The following HDHD2 variants were observed in gnomAD, a reference collection of about 807,000 sequenced individuals.
HDHD2 encodes haloacid dehalogenase like hydrolase domain containing 2, also known as haloacid dehalogenase-like hydrolase domain-containing protein 2.
Under a neutral mutation model 24.8 loss-of-function variants are expected in HDHD2, and 26 were observed. That is an observed-to-expected ratio of 1.05 (90% CI 0.77 to 1.45). The LOEUF is 1.45. Ranked by LOEUF, HDHD2 falls within the 40% of genes most tolerant of loss-of-function variation. The pLI, the probability that HDHD2 is intolerant of heterozygous loss-of-function variation, is 0.00. For synonymous variants in HDHD2, 128 were observed against 114.9 expected, an observed-to-expected ratio of 1.11 and a Z score of -0.73; for missense variants, 299 against 313.4, an observed-to-expected ratio of 0.95 and a Z score of 0.35.
Position 47,108,568 on chromosome 18 carries a change from TA to T in HDHD2, c.*113del. On this transcript the variant is annotated 3_prime_UTR_variant, in exon 7 of 7. Coordinates refer to ENST00000300605, the MANE Select transcript of HDHD2 (RefSeq NM_032124.5). ...TAATTAATGCACAACAAAAGAGGGTTAAAAAGCGATCAGCACTGACTGGTGT... is the reference window on the plus strand; with the variant it reads ...TAATTAATGCACAACAAAAGAGGGTTAAAAGCGATCAGCACTGACTGGTGT... 1.8e-6 allele frequency: 1 copy of T among 558,224 alleles called. No homozygotes were observed. Among genetic ancestry groups the T allele is most frequent in the Non-Finnish European group, 3.1e-6 (1 of 317,674 alleles). The allele number at this position is 558,224 out of a possible 1,614,324, so 34.6% of individuals were successfully genotyped here. A position where few individuals can be genotyped will look rare whatever the true frequency, so the allele number is the denominator to read the frequency against.
At chr18:47,132,724 A>G (rs890391383) in intron 3 of HDHD2, among the ~76,000 whole-genome samples, 1 of 152,158 alleles carries the variant, frequency 6.6e-6, no homozygotes, top group Non-Finnish European at 1.5e-5. Context: ...GTGCCATTGC[A>G]CTCTAAGTAT....
At chr18:47,132,223 A>G (rs2063719927) in intron 3 of HDHD2, among the ~76,000 whole-genome samples, 1 of 151,988 alleles carries the variant, frequency 6.6e-6, no homozygotes, top group African/African-American at 2.4e-5. Flanking sequence ...TACTTTTTTC[A>G]TTTAATATAT....
chr18:47,115,078 G>T (rs948751710), intron 5 of HDHD2, 54 bp downstream of exon 5: 1 of 1,317,346 alleles, frequency 7.6e-7, no homozygotes, highest in Non-Finnish European at 1.1e-6. Flanking sequence ...TTCTAAGCTG[G>T]CTTTCCCAGC....
Position 47,119,868 on chromosome 18 carries a change from GGTGTT to G in HDHD2, c.396-4525_396-4521del, listed in dbSNP as rs544062074. ...TCCCTGATCCATGGGTGGCAGAATG[GGTGTT>G]GTGTTAACAGGCATGAGAACAACAT... On this transcript the variant is annotated intron_variant, in intron 4 of 6. Transcript: ENST00000300605. Among the ~76,000 whole-genome samples, 106 of 152,278 alleles carry G rather than the reference GGTGTT, an allele frequency of 7.0e-4. 1 individual carries two copies. The highest frequency in any genetic ancestry group is 2.5e-3 in the African/African-American group (102 of 41,538).
intron 4 of HDHD2, 149 bp downstream of exon 4, chr18:47,130,095 T>C (rs1424461502): frequency 1.9e-6 from 1 of 522,600 alleles, no homozygotes; most frequent in Non-Finnish European, 3.4e-6. Context: ...GTAATACATA[T>C]TATTTGATGC....
chr18:47,136,177 G>T, intron 2 of HDHD2, 162 bp downstream of exon 2: 1 of 783,656 alleles, frequency 1.3e-6, no homozygotes, highest in Non-Finnish European at 1.9e-6. Flanking sequence ...ATGTTTGGAA[G>T]AAATTGTAAT....
chr18:47,121,555 T>C (rs2063607297), intron 4 of HDHD2, among the ~76,000 whole-genome samples: 1 of 152,194 alleles, frequency 6.6e-6, no homozygotes, highest in South Asian at 2.1e-4. Flanking sequence ...GACCTATTAC[T>C]CCAATCCATT....
rs189794612 is a variant in HDHD2 at position 47,119,548 on chromosome 18, T to A, written c.396-4200A>T. ...TAACATCTTCAGGCACTACTTCTAA[T>A]TCTAGTTGTTTTGCTATTTCCACCA... On this transcript the variant is annotated intron_variant, in intron 4 of 6. Coordinates refer to ENST00000300605, the MANE Select transcript of HDHD2 (RefSeq NM_032124.5). 2.1e-3 allele frequency among the ~76,000 whole-genome samples: 322 copies of A among 152,332 alleles called. 1 individual carries two copies. Among genetic ancestry groups the A allele is most frequent in the African/African-American group, 7.5e-3 (313 of 41,590 alleles).
intron 4 of HDHD2, among the ~76,000 whole-genome samples, chr18:47,123,198 C>G (rs1411942020): frequency 6.6e-6 from 1 of 152,140 alleles, no homozygotes; most frequent in East Asian, 1.9e-4. Flanking sequence ...TTAGAATTAG[C>G]AAGTAAATGG....
At chr18:47,146,091 T>C (rs2063866822) in intron 1 of HDHD2, among the ~76,000 whole-genome samples, 1 of 152,036 alleles carries the variant, frequency 6.6e-6, no homozygotes, top group Non-Finnish European at 1.5e-5. Flanking sequence ...TAGCTGGGCA[T>C]GGTGGCAGGC....
At chr18:47,131,435 T>G (rs1487459625) in intron 3 of HDHD2, among the ~76,000 whole-genome samples, 1 of 152,176 alleles carries the variant, frequency 6.6e-6, no homozygotes, top group Non-Finnish European at 1.5e-5. Flanking sequence ...GCTAACACAA[T>G]AAGCTATTCC....
At chr18:47,143,431 A>AAC (rs1240308926) in intron 1 of HDHD2, among the ~76,000 whole-genome samples, 2 of 152,196 alleles carry the variant, frequency 1.3e-5, no homozygotes, top group African/African-American at 2.4e-5. Context: ...ATATCCCTAA[A>AAC]ACACACACAT....
chr18:47,114,878 C>CAT (rs929273076), intron 5 of HDHD2, among the ~76,000 whole-genome samples: 5 of 151,140 alleles, frequency 3.3e-5, no homozygotes, highest in African/African-American at 7.3e-5. Flanking sequence ...GAGTTAACTA[C>CAT]ATATATATAT....
At position 47,108,717 on chromosome 18, in the gene HDHD2, G is replaced by A; in HGVS notation, c.745C>T (p.His249Tyr). The A allele has an allele frequency of 6.2e-7, 1 of 1,609,196 alleles. No individual in the cohort carries two copies. Residue 249 changes from histidine to tyrosine, a missense_variant, in exon 7 of 7, where the codon CAT (histidine) becomes TAT (tyrosine). Coordinates refer to ENST00000300605, the MANE Select transcript of HDHD2 (RefSeq NM_032124.5). ...TGCTGCAGAATGTGGTCCACAGCAT[G>A]AGGGAAACTCTCACAAGTTAAGTAA... ...PPYLTCESFP[H>Y]AVDHILQHLL is the part of the protein sequence containing the mutation.
rs957698024 is a variant in HDHD2 at position 47,107,995 on chromosome 18, A to C, written c.*687T>G. On this transcript the variant is annotated 3_prime_UTR_variant, in exon 7 of 7. Coordinates refer to ENST00000300605, the MANE Select transcript of HDHD2 (RefSeq NM_032124.5). Reference sequence around the variant, plus strand: ...TCCAAAACAACTGTTACACAGTATAATAGGTATCTGCAATGAATAGGTTAT... The same window carrying C: ...TCCAAAACAACTGTTACACAGTATACTAGGTATCTGCAATGAATAGGTTAT... 1 of 152,710 alleles carries C rather than the reference A, an allele frequency of 6.5e-6. No homozygotes were observed. The highest frequency in any genetic ancestry group is 1.5e-5 in the Non-Finnish European group (1 of 68,056). 9.5% of individuals were successfully genotyped at this position (152,710 alleles called of 1,614,324 possible).
At chr18:47,111,229 G>A in intron 6 of HDHD2, 1 of 985,304 alleles carries the variant, frequency 1.0e-6, no homozygotes, top group African/African-American at 1.7e-5. Flanking sequence ...ACTGATGCCT[G>A]TGAAAGGCTG....
chr18:47,130,362 T>C lies in HDHD2; in HGVS notation c.311-34A>G, dbSNP rs747180359. Reference sequence around the variant, plus strand: ...GGAAAAAAAAAATGATTGTTGCAAATGCAATTAAAAGCAATGTCACATTTT... The same window carrying C: ...GGAAAAAAAAAATGATTGTTGCAAACGCAATTAAAAGCAATGTCACATTTT... On this transcript the variant is annotated intron_variant, in intron 3 of 6. Transcript: ENST00000300605. 4 of 1,417,572 alleles carry C rather than the reference T, an allele frequency of 2.8e-6. No individual in the cohort carries two copies. The Admixed American group carries it at 7.9e-5, about 28-fold the overall frequency. 87.8% of individuals were successfully genotyped at this position (1,417,572 alleles called of 1,614,324 possible).
chr18:47,142,152 C>T (rs765820744), intron 1 of HDHD2, among the ~76,000 whole-genome samples: 6 of 151,754 alleles, frequency 4.0e-5, no homozygotes, highest in East Asian at 3.9e-4. Flanking sequence ...CTTACAGCAG[C>T]GTGAGAATGA....
intron 6 of HDHD2, chr18:47,109,913 G>A: frequency 1.1e-6 from 1 of 878,064 alleles, no homozygotes; most frequent in Non-Finnish European, 1.4e-6. Flanking sequence ...CTAACATAGT[G>A]ACTAGCACAT....
Sources: allele counts gnomAD v4.1 joint callset (sites outside exome capture counted in the v4.1 genomes callset), GRCh38; gene constraint gnomAD v4.1.1; transcripts MANE v1.5; gene names NCBI Gene and HGNC (gene_info 2026-07-23, HGNC 2026-07-21).